The following RAB37 variants were observed in gnomAD, a reference collection of about 807,000 sequenced individuals.
RAB37 encodes the protein ras-related protein Rab-37.
RAB37 carries 29 observed loss-of-function variants against 33.1 expected under a neutral mutation model. The observed-to-expected ratio is 0.88, with a 90% CI of 0.65 to 1.20. The LOEUF (loss-of-function observed/expected upper bound fraction) is 1.20. Among genes scored for constraint, RAB37 ranks in the 50% most tolerant of loss-of-function variants. The pLI is 0.00. For synonymous variants in RAB37, 128 were observed against 119.5 expected, an observed-to-expected ratio of 1.07 and a Z score of -0.47; for missense variants, 299 against 301.1, an observed-to-expected ratio of 0.99 and a Z score of 0.05.
In RAB37 at chr17:74,742,210, C is replaced by T. The variant is rs1187821417; in HGVS notation, c.205-44C>T. ...CAGGACGTCTGCAGAGCTGAGGAGC[C>T]ACATGACTCCTGCCCTCCCATCCTC... On this transcript the variant is annotated intron_variant, in intron 2 of 8. Coordinates refer to ENST00000392613, the MANE Select transcript of RAB37 (RefSeq NM_001006638.3). This position sits in a 1 kb window ranked among gnomAD's most constrained non-coding sequence, Gnocchi z 4.0. The T allele has an allele frequency of 2.5e-6, 4 of 1,607,152 alleles. No individual in the cohort carries two copies. The highest frequency in any genetic ancestry group is 1.7e-5 in the Admixed American group (1 of 59,308).
At chr17:74,714,139 C>A (rs187051810) in intron 1 of RAB37, among the ~76,000 whole-genome samples, 2 of 151,838 alleles carry the variant, frequency 1.3e-5, no homozygotes, top group Non-Finnish European at 2.9e-5. Flanking sequence ...TGAACCCAGG[C>A]GGCAGAGGTT....
At chr17:74,697,522 GCTCCC>G (rs1245187237) in intron 1 of RAB37, among the ~76,000 whole-genome samples, 2 of 152,214 alleles carry the variant, frequency 1.3e-5, no homozygotes. Context: ...AGAGAGTCAG[GCTCCC>G]CTCTTCCCAG....
chr17:74,714,404 C>CACACAT (rs1363221759), intron 1 of RAB37, among the ~76,000 whole-genome samples: 4 of 149,600 alleles, frequency 2.7e-5, no homozygotes, highest in African/African-American at 9.9e-5. Flanking sequence ...TAAACACACA[C>CACACAT]ACACACACAC....
rs1223371755 is a variant in RAB37, at chr17:74,729,333, C to T, written c.150C>T (p.Gly50=). 1 of 1,614,062 alleles carries T rather than the reference C, an allele frequency of 6.2e-7. No individual in the cohort carries two copies. The highest frequency in any genetic ancestry group is 1.7e-5 in the Admixed American group (1 of 60,016). The change falls in exon 2 of 8, where the codon GGC becomes GGT. Residue 50 remains glycine, a synonymous_variant. Coordinates refer to the RAB37 transcript ENST00000340415. The surrounding 1 kb of genome is among the most constrained non-coding windows in gnomAD (Gnocchi z 4.2). ...TCGATCAGGGCAAGTTCATCCCCGG[C>T]TCCTTCTCGGCCACTGTGGGCATCG...
At chr17:74,734,969 AAAAG>A (rs1261824414), upstream of RAB37, among the ~76,000 whole-genome samples, 8 of 144,418 alleles carry the variant, frequency 5.5e-5, no homozygotes, top group African/African-American at 8.0e-5. Flanking sequence ...GAAAGAAAGA[AAAAG>A]AAAGAAAGAA....
At chr17:74,707,526 G>A (rs1213294536) in intron 1 of RAB37, among the ~76,000 whole-genome samples, 1 of 151,942 alleles carries the variant, frequency 6.6e-6, no homozygotes, top group African/African-American at 2.4e-5. Flanking sequence ...ACCAGCCTAG[G>A]CAACATGGTG....
chr17:74,678,121 C>T (rs1216297734), intron 1 of RAB37, among the ~76,000 whole-genome samples: 1 of 152,152 alleles, frequency 6.6e-6, no homozygotes, highest in Non-Finnish European at 1.5e-5. Flanking sequence ...CTTCCTTCCT[C>T]CTCTTCTCAG....
At chr17:74,705,347 CA>C (rs2033422091) in intron 1 of RAB37, 1 of 667,956 alleles carries the variant, frequency 1.5e-6, no homozygotes, top group Admixed American at 2.0e-5. Context: ...TGAAGTTGAT[CA>C]AAACAGCAAC....
At chr17:74,695,780 G>A in intron 1 of RAB37, 1 of 1,614,156 alleles carries the variant, frequency 6.2e-7, no homozygotes, top group Non-Finnish European at 8.5e-7. Flanking sequence ...AAGCTTCGTG[G>A]TAGCCTTTTG....
Position 74,671,393 on chromosome 17 carries a change from A to G in RAB37, c.-194A>G. On this transcript the variant is annotated 5_prime_UTR_variant, in exon 1 of 8. Coordinates refer to the RAB37 transcript ENST00000340415. The surrounding 1 kb of genome is among the most constrained non-coding windows in gnomAD (Gnocchi z 5.0). ...CTGGTGCTGAAACGCTCAGTCCTGG[A>G]AGAACGTGGCCGCCTGCCCGCCTGG... 4 of 596,954 alleles carry G rather than the reference A, an allele frequency of 6.7e-6. No homozygotes were observed. Among genetic ancestry groups the G allele is most frequent in the Non-Finnish European group, 8.9e-6 (3 of 336,900 alleles). The allele number at this position is 596,954 out of a possible 1,614,324, so 37.0% of individuals were successfully genotyped here. A position where few individuals can be genotyped will look rare whatever the true frequency, so the allele number is the denominator to read the frequency against.
At position 74,730,902 on chromosome 17, in the gene RAB37, GA is replaced by G. The variant is rs1221123138; in HGVS notation, c.183+1541del. On this transcript the variant is annotated intron_variant, in intron 2 of 7. Coordinates refer to the RAB37 transcript ENST00000340415. The surrounding 1 kb of genome is among the most constrained non-coding windows in gnomAD (Gnocchi z 4.4). ...AAATTGAGGCCGATTTCCTGTGAAG[GA>G]AAAAGAAAGTGTGTGGTCAAACTGT... Among the ~76,000 whole-genome samples, 1 of 152,220 alleles carries G rather than the reference GA, an allele frequency of 6.6e-6. No individual in the cohort carries two copies. Among genetic ancestry groups the G allele is most frequent in the Non-Finnish European group, 1.5e-5 (1 of 68,028 alleles).
At chr17:74,685,669 C>A (rs2032039702) in intron 1 of RAB37, among the ~76,000 whole-genome samples, 1 of 152,140 alleles carries the variant, frequency 6.6e-6, no homozygotes, top group Non-Finnish European at 1.5e-5. Context: ...TTCTCCTTAT[C>A]CCTCCCTAGA....
chr17:74,708,615 C>T (rs1199141135), intron 1 of RAB37, among the ~76,000 whole-genome samples: 1 of 152,130 alleles, frequency 6.6e-6, no homozygotes, highest in Admixed American at 6.6e-5. Flanking sequence ...TGGTTTTTAA[C>T]ATTAAAAAAT....
intron 1 of RAB37, among the ~76,000 whole-genome samples, chr17:74,701,760 G>T (rs1021532196): frequency 6.7e-6 from 1 of 149,306 alleles, no homozygotes. Context: ...TGAGGTATGA[G>T]AATCACATGA....
At chr17:74,691,527 G>A (rs562357308) in intron 1 of RAB37, among the ~76,000 whole-genome samples, 7 of 152,156 alleles carry the variant, frequency 4.6e-5, no homozygotes, top group South Asian at 2.1e-4. Context: ...AGAATGGATC[G>A]GTCTTCCCAT....
intron 1 of RAB37, chr17:74,695,950 A>C: frequency 6.9e-7 from 1 of 1,458,208 alleles, no homozygotes; most frequent in African/African-American, 1.4e-5. Flanking sequence ...GAGCCTCTCC[A>C]CTTCCCCAGG....
chr17:74,715,224 T>G (rs916950637), intron 1 of RAB37, among the ~76,000 whole-genome samples: 3 of 152,216 alleles, frequency 2.0e-5, no homozygotes, highest in Non-Finnish European at 4.4e-5. Flanking sequence ...CTGTGACATC[T>G]TGACAAGGGA....
intron 1 of RAB37, chr17:74,704,306 G>A (rs866551091): frequency 1.6e-6 from 1 of 607,698 alleles, no homozygotes; most frequent in African/African-American, 1.9e-5. Flanking sequence ...AGCCATGGGG[G>A]CATTGAAGAG....
Position 74,698,645 on chromosome 17 carries a change from T to C in RAB37, c.72+26987T>C, listed in dbSNP as rs761065293. ...TCCTGGGGATCCTCAAAGATGGGTT[T>C]ACAATGAGTACACATAGACACAAAG... On this transcript the variant is annotated intron_variant, in intron 1 of 7. Transcript: ENST00000340415. The C allele has an allele frequency of 6.1e-4, 898 of 1,462,566 alleles. 3 individuals are homozygous for C. Among genetic ancestry groups the C allele is most frequent in the Non-Finnish European group, 7.6e-4 (841 of 1,108,302 alleles). 90.6% of individuals were successfully genotyped at this position (1,462,566 alleles called of 1,614,324 possible).
Sources: gnomAD v4.1 joint callset for allele counts (sites outside exome capture counted in the v4.1 genomes callset) on GRCh38, gnomAD v4.1.1 for gene constraint, Gnocchi (gnomAD v3.1) non-coding constraint, MANE v1.5 for transcripts, NCBI Gene and HGNC (gene_info 2026-07-23, HGNC 2026-07-21) for gene names.